The following SCTR variants were observed in gnomAD, a reference collection of about 807,000 sequenced individuals.
The protein encoded by SCTR is secretin receptor, also known as pancreatic secretin receptor.
SCTR carries 56 observed loss-of-function variants against 60.8 expected under a neutral mutation model. The ratio of observed to expected loss-of-function variants is 0.92; its 90% CI spans 0.74 to 1.15. The LOEUF is 1.15. Among genes scored for constraint, SCTR ranks in the 50% most tolerant of loss-of-function variants. The probability of loss-of-function intolerance (pLI) is 0.00; values close to 1 mark genes in which losing one functional copy is unlikely to be tolerated. For missense variants in SCTR, 562 were observed against 550.4 expected (o/e 1.02, Z -0.21); for synonymous variants, 202 against 217.0 (o/e 0.93, Z 0.61).
At chr2:119,488,725 C>T (rs562659712) in intron 2 of SCTR, among the ~76,000 whole-genome samples, 1 of 152,292 alleles carries the variant, frequency 6.6e-6, no homozygotes, top group East Asian at 1.9e-4. Context: ...TTGGCTGCAC[C>T]GAAGGGCTGG....
At chr2:119,489,703 C>A (rs1678040033) in intron 2 of SCTR, among the ~76,000 whole-genome samples, 1 of 152,102 alleles carries the variant, frequency 6.6e-6, no homozygotes, top group Non-Finnish European at 1.5e-5. Flanking sequence ...GCAGAGCAGT[C>A]TGCATGTGCA....
At chr2:119,516,153 A>G (rs1330508809) in intron 1 of SCTR, among the ~76,000 whole-genome samples, 1 of 152,248 alleles carries the variant, frequency 6.6e-6, no homozygotes, top group Non-Finnish European at 1.5e-5. Flanking sequence ...GAAAGACAGC[A>G]TGGAGCTTCC....
intron 7 of SCTR, among the ~76,000 whole-genome samples, chr2:119,453,784 G>A (rs575258170): frequency 6.0e-4 from 92 of 152,274 alleles, no homozygotes; most frequent in Admixed American, 1.5e-3. Flanking sequence ...TGAAAGAAAC[G>A]TTGATTTTAT....
At chr2:119,514,739 G>C (rs140874222) in intron 1 of SCTR, among the ~76,000 whole-genome samples, 1 of 152,084 alleles carries the variant, frequency 6.6e-6, no homozygotes, top group African/African-American at 2.4e-5. Flanking sequence ...TCAGCCAAGC[G>C]TGGTGGCGCA....
At chr2:119,468,824 A>C (rs1167250628) in intron 4 of SCTR, among the ~76,000 whole-genome samples, 2 of 152,206 alleles carry the variant, frequency 1.3e-5, no homozygotes, top group Non-Finnish European at 2.9e-5. Flanking sequence ...TGTAGAGTAC[A>C]TGAAAAAACT....
chr2:119,491,216 T>C (rs188278435), intron 2 of SCTR, among the ~76,000 whole-genome samples: 1 of 152,210 alleles, frequency 6.6e-6, no homozygotes, highest in Non-Finnish European at 1.5e-5. Flanking sequence ...CTTTTCATAA[T>C]GCAGACGGTA....
chr2:119,471,740 C>A (rs1558854961), intron 4 of SCTR, among the ~76,000 whole-genome samples: 1 of 152,204 alleles, frequency 6.6e-6, no homozygotes, highest in East Asian at 1.9e-4. Context: ...AAGTGTACTC[C>A]CTGGGCGGGG....
chr2:119,440,223 C>T lies in SCTR; in HGVS notation c.1217G>A (p.Trp406Ter), dbSNP rs746565881. 3.1e-6 allele frequency: 5 copies of T among 1,613,886 alleles called. No individual in the cohort carries two copies. The highest frequency in any genetic ancestry group is 4.2e-6 in the Non-Finnish European group (5 of 1,179,984). ...QLEVQKKWQQWHLREFPLHPV... is the reference protein window; with the variant it reads ...QLEVQKKWQQ Reference sequence around the variant, plus strand: ...GTGCAGTGGGAACTCACGGAGGTGCCATTGCTGCCACTTCTTCTGAACCTC... The same window carrying T: ...GTGCAGTGGGAACTCACGGAGGTGCTATTGCTGCCACTTCTTCTGAACCTC... The change falls in exon 13 of 13, where the codon TGG becomes TAG. Residue 406 changes from tryptophan (W) to a stop codon, truncating the protein, a stop_gained. Coordinates refer to ENST00000019103, the MANE Select transcript of SCTR (RefSeq NM_002980.3). LOFTEE classifies it high-confidence loss of function.
chr2:119,516,417 A>G (rs1036642260), intron 1 of SCTR, among the ~76,000 whole-genome samples: 9 of 152,260 alleles, frequency 5.9e-5, no homozygotes, highest in Non-Finnish European at 1.0e-4. Context: ...TAGTGACAAC[A>G]TGAATAAACT....
chr2:119,471,160 C>T (rs1405123134), intron 4 of SCTR, among the ~76,000 whole-genome samples: 2 of 152,194 alleles, frequency 1.3e-5, no homozygotes, highest in African/African-American at 2.4e-5. Flanking sequence ...TTTCCAGTTA[C>T]GCAAGCCACA....
intron 1 of SCTR, among the ~76,000 whole-genome samples, chr2:119,498,917 C>T (rs1325583662): frequency 2.6e-5 from 4 of 151,924 alleles, no homozygotes; most frequent in African/African-American, 4.8e-5. Context: ...TCTAAACACA[C>T]CAATTTTAAA....
intron 4 of SCTR, among the ~76,000 whole-genome samples, chr2:119,472,376 C>T (rs970480679): frequency 6.6e-5 from 10 of 152,158 alleles, no homozygotes; most frequent in African/African-American, 4.8e-5. Flanking sequence ...GGGGCCCTAA[C>T]GGGGGCAAAG....
chr2:119,460,437 T>TGGAC (rs1241087585), intron 7 of SCTR, among the ~76,000 whole-genome samples: 5 of 61,280 alleles, frequency 8.2e-5, no homozygotes, highest in African/African-American at 2.1e-4. Flanking sequence ...GGTGGGTGGG[T>TGGAC]GGATGGATGG....
intron 1 of SCTR, among the ~76,000 whole-genome samples, chr2:119,500,286 G>A (rs113879106): frequency 0.025 from 3,836 of 152,230 alleles, 164 homozygotes; most frequent in African/African-American, 0.087. Context: ...ATGAATTGTA[G>A]TACAGCTATT....
intron 3 of SCTR, among the ~76,000 whole-genome samples, chr2:119,477,235 C>T (rs956259424): frequency 2.6e-5 from 4 of 152,244 alleles, no homozygotes; most frequent in Admixed American, 6.5e-5. Flanking sequence ...GAGTTCTAGC[C>T]GAGGGAATGT....
intron 2 of SCTR, among the ~76,000 whole-genome samples, chr2:119,481,363 C>T (rs995966916): frequency 1.3e-5 from 2 of 152,206 alleles, no homozygotes; most frequent in African/African-American, 4.8e-5. Flanking sequence ...AAGTGTGACC[C>T]TCCAGCCTAC....
chr2:119,487,462 C>T (rs536976704), intron 2 of SCTR: 1 of 152,346 alleles, frequency 6.6e-6, no homozygotes, highest in South Asian at 2.1e-4. Flanking sequence ...TCAGAGAGGA[C>T]CAGTGTCTTG....
intron 1 of SCTR, among the ~76,000 whole-genome samples, chr2:119,497,330 TC>T (rs1166780968): frequency 1.4e-5 from 2 of 144,564 alleles, no homozygotes; most frequent in East Asian, 2.0e-4. Flanking sequence ...GAGCACCCAT[TC>T]CCCCCACTTC....
At chr2:119,491,818 T>A (rs1678143932) in intron 2 of SCTR, among the ~76,000 whole-genome samples, 2 of 152,170 alleles carry the variant, frequency 1.3e-5, no homozygotes, top group Admixed American at 1.3e-4. Flanking sequence ...GCAATCAATT[T>A]CTAATCACTT....
Sources: allele counts gnomAD v4.1 joint callset (sites outside exome capture counted in the v4.1 genomes callset), GRCh38; gene constraint gnomAD v4.1.1; transcripts MANE v1.5; gene names NCBI Gene and HGNC (gene_info 2026-07-23, HGNC 2026-07-21).